The following AKAP19 variants were observed in gnomAD, a reference collection of about 807,000 sequenced individuals.
AKAP19 encodes A-kinase anchoring protein 19, also known as small A-kinase anchoring protein.
chr2:190,083,655 G>A, the AKAP19 span, among the ~76,000 whole-genome samples: 34 of 145,832 alleles, frequency 2.3e-4, no homozygotes, highest in East Asian at 1.8e-3. Flanking sequence ...ACTCTAGGGC[G>A]TGAGTTATGG....
the AKAP19 span, among the ~76,000 whole-genome samples, chr2:190,121,113 CT>C: frequency 0.17 from 22,297 of 133,450 alleles, 1,831 homozygotes; most frequent in South Asian, 0.24. Context: ...AAATCTAAGT[CT>C]TTTTTTTTTT....
At chr2:190,064,954 T>C in the AKAP19 span, among the ~76,000 whole-genome samples, 1 of 152,174 alleles carries the variant, frequency 6.6e-6, no homozygotes, top group Non-Finnish European at 1.5e-5. Flanking sequence ...TCTATGAAAC[T>C]CAATATTCCT....
At chr2:189,969,985 A>G in the AKAP19 span, among the ~76,000 whole-genome samples, 2 of 147,236 alleles carry the variant, frequency 1.4e-5, no homozygotes, top group Admixed American at 1.4e-4. Flanking sequence ...TGATTCTCCT[A>G]CTTCAGCCTC....
chr2:190,163,002 G>A, the AKAP19 span, among the ~76,000 whole-genome samples: 1 of 152,158 alleles, frequency 6.6e-6, no homozygotes, highest in Non-Finnish European at 1.5e-5. Flanking sequence ...TTAAATATGA[G>A]TAAGCCTGTT....
chr2:190,102,007 G>A, the AKAP19 span, among the ~76,000 whole-genome samples: 2 of 152,056 alleles, frequency 1.3e-5, no homozygotes, highest in African/African-American at 4.8e-5. Flanking sequence ...CATACTCTCA[G>A]ATCACAGTGG....
At chr2:190,057,740 G>C in the AKAP19 span, 1 of 1,258,288 alleles carries the variant, frequency 7.9e-7, no homozygotes, top group Non-Finnish European at 1.1e-6. Context: ...TAATAATTTT[G>C]CTCATACCAC....
At chr2:190,194,461 C>T in the AKAP19 span, among the ~76,000 whole-genome samples, 1 of 147,408 alleles carries the variant, frequency 6.8e-6, no homozygotes, top group Non-Finnish European at 1.5e-5. Context: ...AGTAGTGTTC[C>T]CACGTATCCT....
the AKAP19 span, among the ~76,000 whole-genome samples, chr2:189,946,990 G>A: frequency 6.6e-6 from 1 of 152,036 alleles, no homozygotes; most frequent in African/African-American, 2.4e-5. Context: ...GTCACTTATC[G>A]GCCATATATA....
the AKAP19 span, among the ~76,000 whole-genome samples, chr2:190,122,202 A>G: frequency 6.6e-6 from 1 of 152,236 alleles, no homozygotes; most frequent in Non-Finnish European, 1.5e-5. Context: ...GACTGCATTC[A>G]TTCTAGGCCA....
the AKAP19 span, among the ~76,000 whole-genome samples, chr2:189,959,086 G>A: frequency 6.6e-6 from 1 of 151,768 alleles, no homozygotes; most frequent in African/African-American, 2.4e-5. Flanking sequence ...TTCTTAAACT[G>A]GGTGATGGAA....
chr2:190,057,650 G>C, the AKAP19 span: 1 of 1,612,574 alleles, frequency 6.2e-7, no homozygotes, highest in Non-Finnish European at 8.5e-7. Flanking sequence ...TGTTTGAAAA[G>C]GAAAGAACAA....
chr2:190,025,800 G>C, the AKAP19 span, among the ~76,000 whole-genome samples: 34 of 152,250 alleles, frequency 2.2e-4, no homozygotes, highest in South Asian at 3.7e-3. Flanking sequence ...GGTGAATTCT[G>C]GTCTGTGTTT....
At chr2:190,103,720 C>G in the AKAP19 span, among the ~76,000 whole-genome samples, 1 of 152,168 alleles carries the variant, frequency 6.6e-6, no homozygotes, top group Non-Finnish European at 1.5e-5. Flanking sequence ...ATTCCATACT[C>G]ATAAATTGGT....
chr2:190,117,607 C>T, the AKAP19 span, among the ~76,000 whole-genome samples: 3 of 152,182 alleles, frequency 2.0e-5, no homozygotes, highest in East Asian at 5.8e-4. Context: ...CTTCCAATGC[C>T]CATCACCCAC....
At chr2:190,031,441 G>A in the AKAP19 span, among the ~76,000 whole-genome samples, 2 of 152,086 alleles carry the variant, frequency 1.3e-5, no homozygotes, top group Non-Finnish European at 2.9e-5. Flanking sequence ...ATTTTGTAAA[G>A]CAATAATGAA....
At chr2:190,058,856 T>TA in the AKAP19 span, among the ~76,000 whole-genome samples, 4 of 152,008 alleles carry the variant, frequency 2.6e-5, no homozygotes, top group East Asian at 3.9e-4. Context: ...GATGAGGGAT[T>TA]AAAAACTACA....
the AKAP19 span, among the ~76,000 whole-genome samples, chr2:190,187,014 A>G: frequency 6.9e-3 from 1,049 of 152,030 alleles, 12 homozygotes; most frequent in African/African-American, 0.023. Context: ...TGATTTTTGT[A>G]TCTTTAGTAG....
chr2:189,980,321 A>G, the AKAP19 span, among the ~76,000 whole-genome samples: 1 of 152,180 alleles, frequency 6.6e-6, no homozygotes, highest in African/African-American at 2.4e-5. Flanking sequence ...CAGAAAATCA[A>G]ATCCATGTTT....
the AKAP19 span, among the ~76,000 whole-genome samples, chr2:189,931,985 C>T: frequency 6.6e-6 from 1 of 152,136 alleles, no homozygotes; most frequent in Admixed American, 6.5e-5. Flanking sequence ...TAATGTCCTT[C>T]AAAGCAAAAG....
Sources: allele counts gnomAD v4.1 joint callset (sites outside exome capture counted in the v4.1 genomes callset), GRCh38; gene constraint gnomAD v4.1.1; transcripts MANE v1.5; gene names NCBI Gene and HGNC (gene_info 2026-07-23, HGNC 2026-07-21).